The following KALRN variants were observed in gnomAD, a reference collection of about 807,000 sequenced individuals.
The protein encoded by KALRN is kalirin RhoGEF kinase.
In KALRN, 70 loss-of-function variants were observed where a neutral mutation model predicts 353.7. The ratio of observed to expected loss-of-function variants is 0.20; its 90% CI spans 0.16 to 0.24. KALRN has a LOEUF of 0.24. Among genes scored for constraint, KALRN ranks in the 10% least tolerant of loss-of-function variants. The pLI is 1.00. For missense variants in KALRN, 2,791 were observed against 3,756.7 expected, an observed-to-expected ratio of 0.74 and a Z score of 6.72; for synonymous variants, 1,391 against 1,434.8, an observed-to-expected ratio of 0.97 and a Z score of 0.69.
At chr3:124,287,530 G>T (rs2076018823) in intron 5 of KALRN, among the ~76,000 whole-genome samples, 1 of 151,354 alleles carries the variant, frequency 6.6e-6, no homozygotes, top group Admixed American at 6.6e-5. Flanking sequence ...GGAGAAAGCT[G>T]AGGTGAATAT....
At chr3:124,358,432 C>CT (rs2083658554) in intron 10 of KALRN, among the ~76,000 whole-genome samples, 2 of 152,020 alleles carry the variant, frequency 1.3e-5, no homozygotes, top group Admixed American at 1.3e-4. Flanking sequence ...ATAAGATTGG[C>CT]CTTTTCCAAA....
At chr3:124,519,746 C>T in intron 33 of KALRN, 9 of 985,436 alleles carry the variant, frequency 9.1e-6, no homozygotes, top group Non-Finnish European at 1.1e-5. Flanking sequence ...AATTTAAATC[C>T]AATGGAGAAC....
At chr3:124,262,937 A>T (rs2073068516) in intron 3 of KALRN, among the ~76,000 whole-genome samples, 1 of 152,226 alleles carries the variant, frequency 6.6e-6, no homozygotes, top group Non-Finnish European at 1.5e-5. Context: ...GCTGGTATTT[A>T]TATTTTAAAA....
intron 1 of KALRN, among the ~76,000 whole-genome samples, chr3:124,052,688 A>G (rs2041155525): frequency 6.6e-6 from 1 of 151,852 alleles, no homozygotes; most frequent in Non-Finnish European, 1.5e-5. Context: ...GAGAACTTAC[A>G]TTTTGGTAGA....
intron 6 of KALRN, among the ~76,000 whole-genome samples, chr3:124,308,984 G>T (rs986034814): frequency 6.6e-6 from 1 of 151,848 alleles, no homozygotes; most frequent in Non-Finnish European, 1.5e-5. Flanking sequence ...CTTACCTTAC[G>T]AGAAAATAGT....
At position 124,701,051 on chromosome 3, in the gene KALRN, G is replaced by A. The variant is rs149539959; in HGVS notation, c.7997-987G>A. On this transcript the variant is annotated intron_variant, in intron 56 of 59. Transcript: ENST00000682506. ...GAAACCTGAGGGAACTGGCTCCAGG[G>A]TCAGCTGAGCCAAGCTGCTCATGTG... 5.3e-4 allele frequency among the ~76,000 whole-genome samples: 81 copies of A among 152,334 alleles called. 1 individual carries two copies. The East Asian group carries it at 9.4e-3, about 18-fold the overall frequency.
At chr3:124,627,513 C>T (rs1052744659) in intron 34 of KALRN, among the ~76,000 whole-genome samples, 36 of 152,180 alleles carry the variant, frequency 2.4e-4, no homozygotes, top group Non-Finnish European at 1.0e-4. Context: ...AAATCTTAGG[C>T]AGTCATCTGT....
chr3:124,629,025 G>C (rs116058406), intron 34 of KALRN, among the ~76,000 whole-genome samples: 2,264 of 152,234 alleles, frequency 0.015, 57 homozygotes, highest in African/African-American at 0.051. Flanking sequence ...CTCAGTCTTC[G>C]AGTAGGTATG....
At chr3:124,664,547 A>T (rs1477995174) in intron 45 of KALRN, among the ~76,000 whole-genome samples, 2 of 151,696 alleles carry the variant, frequency 1.3e-5, no homozygotes, top group Admixed American at 1.3e-4. Context: ...AGTAGCTGGG[A>T]TTACAGGCAG....
intron 33 of KALRN, among the ~76,000 whole-genome samples, chr3:124,501,446 A>G (rs1304801502): frequency 6.6e-6 from 1 of 152,218 alleles, no homozygotes; most frequent in Non-Finnish European, 1.5e-5. Context: ...GTCATGACCA[A>G]GATTTTGTTT....
chr3:124,288,190 T>G (rs560562706), intron 5 of KALRN, among the ~76,000 whole-genome samples: 2 of 152,282 alleles, frequency 1.3e-5, no homozygotes, highest in East Asian at 3.9e-4. Context: ...GTTATATTTT[T>G]TAAGAAAACA....
intron 1 of KALRN, among the ~76,000 whole-genome samples, chr3:124,085,660 C>A (rs2060775992): frequency 6.6e-6 from 1 of 152,150 alleles, no homozygotes; most frequent in Non-Finnish European, 1.5e-5. Flanking sequence ...CCTGAGGGAG[C>A]ACCTCCTTTT....
At chr3:124,671,037 C>T (rs893576423) in intron 47 of KALRN, among the ~76,000 whole-genome samples, 6 of 152,188 alleles carry the variant, frequency 3.9e-5, no homozygotes, top group Non-Finnish European at 7.3e-5. Context: ...TCGCTTTTAC[C>T]ATTCTGTGGC....
At chr3:124,200,012 C>A (rs1009751728) in intron 1 of KALRN, among the ~76,000 whole-genome samples, 2 of 152,176 alleles carry the variant, frequency 1.3e-5, no homozygotes, top group Admixed American at 6.5e-5. Context: ...CATGACCGAT[C>A]CTCTTCTGCA....
chr3:124,272,045 G>C (rs1328888853), intron 5 of KALRN, among the ~76,000 whole-genome samples: 2 of 152,194 alleles, frequency 1.3e-5, no homozygotes, highest in African/African-American at 2.4e-5. Context: ...AGTAAAGAGA[G>C]AGGGGGCTAA....
intron 33 of KALRN, among the ~76,000 whole-genome samples, chr3:124,507,139 G>A (rs942831839): frequency 6.6e-5 from 10 of 152,258 alleles, no homozygotes; most frequent in Middle Eastern, 3.4e-3. Context: ...AGTGGGTGTA[G>A]TTTGTTAAAG....
intron 5 of KALRN, among the ~76,000 whole-genome samples, chr3:124,291,838 A>G (rs960317363): frequency 6.6e-6 from 1 of 152,168 alleles, no homozygotes; most frequent in African/African-American, 2.4e-5. Context: ...CAATATATAA[A>G]AGTATGCCAA....
At chr3:124,509,231 C>T (rs544195736) in intron 33 of KALRN, among the ~76,000 whole-genome samples, 20 of 151,844 alleles carry the variant, frequency 1.3e-4, no homozygotes, top group South Asian at 1.0e-3. Context: ...TTTTTGAGAC[C>T]GAGTCTTGCT....
intron 38 of KALRN, among the ~76,000 whole-genome samples, 156 bp downstream of exon 38, chr3:124,651,094 A>G (rs557148306): frequency 6.6e-6 from 1 of 152,248 alleles, no homozygotes; most frequent in Non-Finnish European, 1.5e-5. Flanking sequence ...ACTGATAAAC[A>G]TTGAGCCACT....
Sources: gnomAD v4.1 joint callset for allele counts (sites outside exome capture counted in the v4.1 genomes callset) on GRCh38, gnomAD v4.1.1 for gene constraint, MANE v1.5 for transcripts, NCBI Gene and HGNC (gene_info 2026-07-23, HGNC 2026-07-21) for gene names.